The following IFT81 variants were observed in gnomAD, a reference collection of about 807,000 sequenced individuals.
IFT81 encodes intraflagellar transport protein 81 homolog.
IFT81 carries 72 observed loss-of-function variants against 102.6 expected under a neutral mutation model. The observed-to-expected ratio is 0.70, with a 90% CI of 0.58 to 0.85. The LOEUF (loss-of-function observed/expected upper bound fraction) is 0.85. Among genes scored for constraint, IFT81 ranks in the 40% least tolerant of loss-of-function variants. The probability of loss-of-function intolerance (pLI) is 0.00; values close to 1 mark genes in which losing one functional copy is unlikely to be tolerated. For missense variants in IFT81, 723 were observed against 787.3 expected, an observed-to-expected ratio of 0.92 and a Z score of 0.98; for synonymous variants, 237 against 242.7, an observed-to-expected ratio of 0.98 and a Z score of 0.22.
At chr12:110,156,774 G>A (rs1430812597) in intron 10 of IFT81, among the ~76,000 whole-genome samples, 1 of 152,140 alleles carries the variant, frequency 6.6e-6, no homozygotes, top group Non-Finnish European at 1.5e-5. Context: ...CAAGATTATA[G>A]GTGTGAGCCA....
chr12:110,204,829 T>A (rs1246698797), intron 15 of IFT81: 1 of 152,448 alleles, frequency 6.6e-6, no homozygotes, highest in Non-Finnish European at 1.5e-5. Context: ...TTCATTATGT[T>A]TCCTTGTTTA....
intron 8 of IFT81, among the ~76,000 whole-genome samples, chr12:110,138,957 AT>A (rs1894681558): frequency 6.6e-6 from 1 of 152,156 alleles, no homozygotes; most frequent in Admixed American, 6.5e-5. Flanking sequence ...TCTAAGTTAA[AT>A]TTTTTAAGAG....
At chr12:110,137,185 C>T (rs977659404) in intron 8 of IFT81, among the ~76,000 whole-genome samples, 1 of 152,120 alleles carries the variant, frequency 6.6e-6, no homozygotes, top group Admixed American at 6.5e-5. Context: ...ACTAAACATA[C>T]AAAAATTAGC....
chr12:110,128,340 C>G (rs1462907751), intron 3 of IFT81, among the ~76,000 whole-genome samples, 191 bp downstream of exon 3: 1 of 150,556 alleles, frequency 6.6e-6, no homozygotes, highest in Non-Finnish European at 1.5e-5. Context: ...CAGTTCTTTG[C>G]CTTAATCAAA....
chr12:110,143,494 A>G lies in IFT81; in HGVS notation c.894A>G (p.Val298=), dbSNP rs748641300. 5 of 1,551,294 alleles carry G rather than the reference A, an allele frequency of 3.2e-6. No individual in the cohort carries two copies. The South Asian group carries it at 6.4e-5, about 20-fold the overall frequency. The stretch of plus-strand genomic sequence containing the variant: ...AGGAATTACATTTTTTACAAAAAGT[A>G]GTTTCAGAGCCAGCTATGGGCCATT... The part of the protein sequence containing the change: ...KKKELHFLQK[V]VSEPAMGHSD... The change falls in exon 9 of 19, where the codon GTA becomes GTG. Residue 298 remains valine, a synonymous_variant. Coordinates refer to ENST00000242591, the MANE Select transcript of IFT81 (RefSeq NM_014055.4).
intron 12 of IFT81, 33 bp downstream of exon 12, chr12:110,180,604 AC>A: frequency 6.5e-7 from 1 of 1,534,332 alleles, no homozygotes; most frequent in Non-Finnish European, 8.9e-7. Context: ...TACTATAAAT[AC>A]AAATGCCAGG....
chr12:110,162,895 C>G, intron 10 of IFT81, 24 bp from the exon 11 acceptor site: 1 of 1,571,466 alleles, frequency 6.4e-7, no homozygotes, highest in South Asian at 1.2e-5. Context: ...TCTTATTATA[C>G]CTTCATATTT....
At chr12:110,128,786 CAAAAA>C (rs59756924) in intron 3 of IFT81, among the ~76,000 whole-genome samples, 159 bp from the exon 4 acceptor site, 1 of 68,760 alleles carries the variant, frequency 1.5e-5, no homozygotes, top group Non-Finnish European at 2.7e-5. Context: ...GACCCTGTCT[CAAAAA>C]AAAAAAAAAA....
intron 14 of IFT81, among the ~76,000 whole-genome samples, chr12:110,200,364 TTG>T (rs1277907072): frequency 6.6e-6 from 1 of 152,192 alleles, no homozygotes; most frequent in Non-Finnish European, 1.5e-5. Context: ...CTGTAGGCAG[TTG>T]TTACACAATG....
At chr12:110,157,870 T>C (rs1895927690) in intron 10 of IFT81, among the ~76,000 whole-genome samples, 1 of 152,168 alleles carries the variant, frequency 6.6e-6, no homozygotes. Context: ...GGATTTCTTT[T>C]TGCTTTCTTT....
chr12:110,177,093 G>A (rs1371505414), intron 11 of IFT81, among the ~76,000 whole-genome samples: 1 of 152,202 alleles, frequency 6.6e-6, no homozygotes, highest in African/African-American at 2.4e-5. Flanking sequence ...AGGTACATTA[G>A]TATGACTTAA....
intron 12 of IFT81, among the ~76,000 whole-genome samples, chr12:110,182,234 A>G (rs1897335383): frequency 6.6e-6 from 1 of 152,200 alleles, no homozygotes; most frequent in Non-Finnish European, 1.5e-5. Flanking sequence ...TGTTTGTCAC[A>G]TTAAATTTAC....
At chr12:110,166,618 A>G (rs1407886868) in intron 11 of IFT81, among the ~76,000 whole-genome samples, 1 of 151,944 alleles carries the variant, frequency 6.6e-6, no homozygotes, top group Non-Finnish European at 1.5e-5. Context: ...AGAAACAGAG[A>G]AATTGAAATA....
At chr12:110,190,842 G>A (rs1036922464) in intron 12 of IFT81, 78 bp from the exon 13 acceptor site, 3 of 1,282,918 alleles carry the variant, frequency 2.3e-6, no homozygotes, top group Middle Eastern at 2.2e-4. Context: ...TTTTTGTTAT[G>A]TATGAAATTT....
intron 10 of IFT81, among the ~76,000 whole-genome samples, chr12:110,157,787 GTCTGCCTTCCCAAA>G (rs1488519142): frequency 6.6e-6 from 1 of 152,010 alleles, no homozygotes; most frequent in Non-Finnish European, 1.5e-5. Context: ...GGATTCTTTT[GTCTGCCTTCCCAAA>G]TCTGCCTTTG....
intron 10 of IFT81, among the ~76,000 whole-genome samples, chr12:110,159,748 TC>T (rs1378141279): frequency 1.3e-5 from 2 of 152,282 alleles, no homozygotes; most frequent in African/African-American, 4.8e-5. Flanking sequence ...AGCGCATAGA[TC>T]CCCAGTATTG....
chr12:110,203,576 G>T (rs1481763771), intron 14 of IFT81: 1 of 316,754 alleles, frequency 3.2e-6, no homozygotes, highest in African/African-American at 2.1e-5. Flanking sequence ...CTGTTTACTT[G>T]TCTGAACATT....
chr12:110,139,878 T>TAAAATAAAATA (rs1365326368), intron 8 of IFT81, among the ~76,000 whole-genome samples: 1 of 142,204 alleles, frequency 7.0e-6, no homozygotes, highest in Non-Finnish European at 1.5e-5. Flanking sequence ...TAAAATAAAA[T>TAAAATAAAATA]AAAATAAAAT....
intron 12 of IFT81, 27 bp from the exon 13 acceptor site, chr12:110,190,893 T>C: frequency 6.8e-7 from 1 of 1,480,340 alleles, no homozygotes; most frequent in Non-Finnish European, 9.0e-7. Context: ...TGACATGTTT[T>C]GTGGCCTTTT....
Sources: gnomAD v4.1 joint callset for allele counts (sites outside exome capture counted in the v4.1 genomes callset) on GRCh38, gnomAD v4.1.1 for gene constraint, MANE v1.5 for transcripts, NCBI Gene and HGNC (gene_info 2026-07-23, HGNC 2026-07-21) for gene names.